Variants in LRRTM4 observed in about 807,000 individuals in gnomAD.
LRRTM4 encodes the protein leucine-rich repeat transmembrane neuronal protein 4.
Under a neutral mutation model 47.6 loss-of-function variants are expected in LRRTM4, and 25 were observed. That is an observed-to-expected ratio of 0.53 (90% confidence interval 0.38 to 0.73). LRRTM4 has a LOEUF of 0.73. LRRTM4 is among the 30% of genes least tolerant of loss of function. The probability of loss-of-function intolerance (pLI) is 0.00; values close to 1 mark genes in which losing one functional copy is unlikely to be tolerated. For synonymous variants in LRRTM4, 311 were observed against 269.5 expected (o/e 1.15, Z -1.51); for missense variants, 638 against 713.4 (o/e 0.89, Z 1.20).
At chr2:77,444,968 C>CACACACACAA (rs1675993185) in intron 3 of LRRTM4, among the ~76,000 whole-genome samples, 1 of 128,074 alleles carries the variant, frequency 7.8e-6, no homozygotes, top group African/African-American at 3.1e-5. Flanking sequence ...CACACACACA[C>CACACACACAA]ACGATCCGGA....
At chr2:77,413,843 T>TAC (rs60861644) in intron 3 of LRRTM4, among the ~76,000 whole-genome samples, 20,422 of 150,236 alleles carry the variant, frequency 0.14, 1,940 homozygotes, top group African/African-American at 0.28. Context: ...TCTAGTTTTA[T>TAC]ACACACACAC....
chr2:76,877,081 A>G (rs1573244481), intron 3 of LRRTM4, among the ~76,000 whole-genome samples: 1 of 152,208 alleles, frequency 6.6e-6, no homozygotes, highest in East Asian at 1.9e-4. Flanking sequence ...ATAAATATAG[A>G]TGGGTCCTAT....
At chr2:76,788,810 T>C (rs999300831) in intron 3 of LRRTM4, among the ~76,000 whole-genome samples, 1 of 152,094 alleles carries the variant, frequency 6.6e-6, no homozygotes, top group African/African-American at 2.4e-5. Context: ...GACTCAAACA[T>C]AGAGAAGTTT....
chr2:77,241,057 T>C (rs1675245934), intron 3 of LRRTM4, among the ~76,000 whole-genome samples: 1 of 151,934 alleles, frequency 6.6e-6, no homozygotes, highest in South Asian at 2.1e-4. Context: ...GAGAAGATGA[T>C]TCTAAATTTG....
chr2:77,154,171 G>A (rs1368262043), intron 3 of LRRTM4, among the ~76,000 whole-genome samples: 1 of 152,114 alleles, frequency 6.6e-6, no homozygotes, highest in African/African-American at 2.4e-5. Context: ...TTGTGACATT[G>A]GTGAATCCAT....
intron 3 of LRRTM4, among the ~76,000 whole-genome samples, chr2:77,222,618 A>G (rs1183861311): frequency 6.6e-6 from 1 of 152,184 alleles, no homozygotes; most frequent in Non-Finnish European, 1.5e-5. Context: ...AGAAATGGAT[A>G]AATTCCTCAA....
At chr2:76,808,382 A>T (rs1573147126) in intron 3 of LRRTM4, among the ~76,000 whole-genome samples, 2 of 151,738 alleles carry the variant, frequency 1.3e-5, no homozygotes, top group Middle Eastern at 6.8e-3. Context: ...ATGTTCATTC[A>T]TTGCTTTTTC....
intron 3 of LRRTM4, among the ~76,000 whole-genome samples, chr2:77,157,438 G>A (rs1332370929): frequency 5.9e-5 from 9 of 152,120 alleles, no homozygotes; most frequent in Admixed American, 4.6e-4. Flanking sequence ...ATTTGATGTT[G>A]TATAGACATC....
intron 3 of LRRTM4, among the ~76,000 whole-genome samples, chr2:77,381,228 A>G (rs1172715853): frequency 6.6e-6 from 1 of 152,122 alleles, no homozygotes. Context: ...AGGATAAATT[A>G]TTATTAATAT....
intron 3 of LRRTM4, among the ~76,000 whole-genome samples, chr2:76,915,221 T>C (rs568533747): frequency 6.6e-6 from 1 of 152,152 alleles, no homozygotes; most frequent in African/African-American, 2.4e-5. Context: ...GATGAACAGG[T>C]GGACTAATGG....
intron 3 of LRRTM4, among the ~76,000 whole-genome samples, chr2:76,844,406 A>G (rs1671779505): frequency 6.6e-6 from 1 of 152,132 alleles, no homozygotes; most frequent in African/African-American, 2.4e-5. Context: ...AAGTGCTGGG[A>G]TTACAGGTGT....
At chr2:77,133,271 T>C (rs1370660239) in intron 3 of LRRTM4, among the ~76,000 whole-genome samples, 1 of 152,190 alleles carries the variant, frequency 6.6e-6, no homozygotes, top group East Asian at 1.9e-4. Flanking sequence ...TGAGAACACT[T>C]AGTCTGACAT....
chr2:76,906,109 A>T (rs948663483), intron 3 of LRRTM4, among the ~76,000 whole-genome samples: 9 of 152,210 alleles, frequency 5.9e-5, no homozygotes, highest in Admixed American at 5.2e-4. Flanking sequence ...AGGTCGGGTT[A>T]CCCACAAAGG....
chr2:76,793,989 A>T (rs1230839412), intron 3 of LRRTM4, among the ~76,000 whole-genome samples: 1 of 152,206 alleles, frequency 6.6e-6, no homozygotes, highest in African/African-American at 2.4e-5. Context: ...ATTTTGGAGA[A>T]TATTTTTCTG....
At chr2:77,332,516 C>T (rs973506856) in intron 3 of LRRTM4, among the ~76,000 whole-genome samples, 1 of 152,048 alleles carries the variant, frequency 6.6e-6, no homozygotes, top group African/African-American at 2.4e-5. Flanking sequence ...GGATTTCTTC[C>T]CTTAGCCAAA....
At chr2:77,212,539 T>A (rs1160964155) in intron 3 of LRRTM4, among the ~76,000 whole-genome samples, 1 of 147,494 alleles carries the variant, frequency 6.8e-6, no homozygotes, top group African/African-American at 2.5e-5. Context: ...ATATCATGAG[T>A]TAATCTTGAG....
intron 3 of LRRTM4, among the ~76,000 whole-genome samples, chr2:77,046,140 C>G (rs1467025969): frequency 6.6e-6 from 1 of 151,914 alleles, no homozygotes; most frequent in African/African-American, 2.4e-5. Flanking sequence ...AAACTCACAT[C>G]TTGGTTTGAT....
intron 3 of LRRTM4, among the ~76,000 whole-genome samples, chr2:77,148,846 A>C (rs1261357628): frequency 6.6e-6 from 1 of 152,208 alleles, no homozygotes. Flanking sequence ...ACCTCGCAGC[A>C]GAAATCCTTA....
At chr2:77,137,773 G>A (rs931792958) in intron 3 of LRRTM4, among the ~76,000 whole-genome samples, 9 of 152,074 alleles carry the variant, frequency 5.9e-5, no homozygotes, top group Non-Finnish European at 1.2e-4. Flanking sequence ...TAAAGGGATG[G>A]AGGAAGATCT....
Sources: gnomAD v4.1 joint callset for allele counts (sites outside exome capture counted in the v4.1 genomes callset) on GRCh38, gnomAD v4.1.1 for gene constraint, MANE v1.5 for transcripts, NCBI Gene and HGNC (gene_info 2026-07-23, HGNC 2026-07-21) for gene names.